The following GUCY2F variants were observed in gnomAD, a reference collection of about 807,000 sequenced individuals.
GUCY2F encodes the protein retinal guanylyl cyclase 2.
GUCY2F carries 61 observed loss-of-function variants against 73.1 expected under a neutral mutation model. The observed-to-expected ratio is 0.83, with a 90% CI of 0.68 to 1.03. The LOEUF (loss-of-function observed/expected upper bound fraction) is 1.03. GUCY2F is among the 50% of genes least tolerant of loss of function. The pLI, the probability that GUCY2F is intolerant of heterozygous loss-of-function variation, is 0.00. For missense variants in GUCY2F, 912 were observed against 854.3 expected (o/e 1.07, Z -0.84); for synonymous variants, 331 against 307.8 (o/e 1.08, Z -0.79).
intron 3 of GUCY2F, among the ~76,000 whole-genome samples, chrX:109,455,158 T>C (rs1212544790): frequency 1.8e-5 from 2 of 111,184 alleles, no homozygotes; most frequent in South Asian, 7.6e-4. Context: ...AGAGATGCTT[T>C]TAGTTTGATA....
At chrX:109,378,420 C>G (rs1421142941) in intron 17 of GUCY2F, among the ~76,000 whole-genome samples, 1 of 111,585 alleles carries the variant, frequency 9.0e-6, no homozygotes, top group African/African-American at 3.3e-5. Context: ...GATTAATGAG[C>G]TTCCTGATAA....
At chrX:109,417,858 A>T (rs1174550527) in intron 8 of GUCY2F, among the ~76,000 whole-genome samples, 3 of 111,903 alleles carry the variant, frequency 2.7e-5, no homozygotes, top group African/African-American at 9.7e-5. Context: ...TGGACAAAAT[A>T]GAAATCAAGA....
intron 8 of GUCY2F, among the ~76,000 whole-genome samples, chrX:109,421,718 A>G (rs922780532): frequency 9.0e-6 from 1 of 111,691 alleles, no homozygotes; most frequent in African/African-American, 3.2e-5. Context: ...ATACTTAAAA[A>G]TGGTTAAGAT....
Position 109,375,966 on chromosome X carries a change from T to G in GUCY2F, c.3260A>C (p.Gln1087Pro). The part of the protein sequence containing the change: ...DKDGQVGHGL[Q>P]PVEIAAFQRR... The stretch of plus-strand genomic sequence containing the variant: ...TTGGAAGGCTGCAATCTCCACTGGT[T>G]GCAGGCCATGGCCCACTTGCCTGCA... Residue 1087 changes from glutamine (Q) to proline (P), a missense_variant, in exon 19 of 20, where the codon CAA becomes CCA. Transcript: ENST00000218006. 8.3e-7 allele frequency: 1 copy of G among 1,209,037 alleles called. No homozygotes were observed.
chrX:109,415,087 T>C (rs1490292024), intron 8 of GUCY2F, among the ~76,000 whole-genome samples: 1 of 109,343 alleles, frequency 9.1e-6, no homozygotes, highest in Non-Finnish European at 1.9e-5. Flanking sequence ...GCTAGAAAAA[T>C]TGAAAAAATA....
At chrX:109,467,058 A>T (rs1049020719) in intron 2 of GUCY2F, among the ~76,000 whole-genome samples, 1 of 112,352 alleles carries the variant, frequency 8.9e-6, no homozygotes, top group African/African-American at 3.2e-5. Flanking sequence ...TGATGTTCAG[A>T]CCTTCCTTAG....
chrX:109,403,904 G>A (rs759317273), intron 10 of GUCY2F, among the ~76,000 whole-genome samples: 2 of 112,261 alleles, frequency 1.8e-5, no homozygotes, highest in Non-Finnish European at 3.8e-5. Context: ...ATCACTCCTC[G>A]CTTCTTCCTC....
At chrX:109,412,132 C>T (rs1419389426) in intron 8 of GUCY2F, among the ~76,000 whole-genome samples, 1 of 111,492 alleles carries the variant, frequency 9.0e-6, no homozygotes, top group African/African-American at 3.3e-5. Flanking sequence ...ATATGTATAT[C>T]TATATCTATC....
In GUCY2F at chrX:109,453,818, A is replaced by G. The variant is rs1302610490; in HGVS notation, c.1074T>C (p.Phe358=). ...LFGTIYNSIY[F]IAQAMNNAMK... Reference sequence around the variant, plus strand: ...TAGCATTATTCATGGCTTGTGCGATAAAGTAAATTGAATTGTAGATGGTTC... The same window carrying G: ...TAGCATTATTCATGGCTTGTGCGATGAAGTAAATTGAATTGTAGATGGTTC... Residue 358 remains phenylalanine (F), a synonymous_variant, in exon 4 of 20, where the codon TTT becomes TTC. Transcript: ENST00000218006. The G allele has an allele frequency of 1.7e-6, 2 of 1,194,552 alleles. No homozygotes were observed. The highest frequency in any genetic ancestry group is 3.5e-5 in the African/African-American group (2 of 56,770).
intron 8 of GUCY2F, among the ~76,000 whole-genome samples, chrX:109,426,474 C>T (rs193158791): frequency 0.019 from 2,173 of 111,993 alleles, 22 homozygotes; most frequent in Middle Eastern, 0.041. Context: ...CTGCAAGCTC[C>T]GCCTCCCGGG....
At chrX:109,419,388 C>T (rs1392356213) in intron 8 of GUCY2F, among the ~76,000 whole-genome samples, 2 of 110,401 alleles carry the variant, frequency 1.8e-5, no homozygotes, top group African/African-American at 6.5e-5. Flanking sequence ...TTAGGATGTG[C>T]TTAATATTTC....
intron 7 of GUCY2F, among the ~76,000 whole-genome samples, chrX:109,436,810 A>G (rs1358057385): frequency 1.8e-5 from 2 of 109,538 alleles, no homozygotes; most frequent in Non-Finnish European, 3.8e-5. Context: ...GGGGAGGGAT[A>G]GCATTAGGAG....
intron 14 of GUCY2F, among the ~76,000 whole-genome samples, chrX:109,389,495 A>G (rs1930511271): frequency 8.9e-6 from 1 of 112,142 alleles, no homozygotes; most frequent in Non-Finnish European, 1.9e-5. Context: ...CACAGAATAC[A>G]ACAGTTAAGA....
intron 5 of GUCY2F, among the ~76,000 whole-genome samples, chrX:109,449,120 G>T (rs1193062833): frequency 9.0e-6 from 1 of 111,356 alleles, no homozygotes; most frequent in East Asian, 2.8e-4. Flanking sequence ...CCCCATAATG[G>T]TTACTCTGTG....
intron 7 of GUCY2F, among the ~76,000 whole-genome samples, chrX:109,438,727 C>A (rs1460018427): frequency 8.9e-6 from 1 of 112,702 alleles, no homozygotes; most frequent in Non-Finnish European, 1.9e-5. Flanking sequence ...AGTATGACTG[C>A]AGCTCTCCCA....
At chrX:109,478,349 C>G (rs1932736685) in intron 1 of GUCY2F, among the ~76,000 whole-genome samples, 2 of 112,331 alleles carry the variant, frequency 1.8e-5, no homozygotes, top group South Asian at 7.5e-4. Flanking sequence ...AGCCACTCAT[C>G]TGGAGTAATA....
intron 3 of GUCY2F, among the ~76,000 whole-genome samples, chrX:109,460,491 A>T (rs1212295888): frequency 8.9e-6 from 1 of 111,931 alleles, no homozygotes; most frequent in East Asian, 2.8e-4. Flanking sequence ...GACTGAGGGA[A>T]AATGATTTCT....
chrX:109,452,981 T>G (rs940889589), intron 4 of GUCY2F, among the ~76,000 whole-genome samples: 1 of 110,887 alleles, frequency 9.0e-6, no homozygotes, highest in African/African-American at 3.3e-5. Flanking sequence ...TATTTGGGAG[T>G]GGAAGTGGAG....
At chrX:109,385,521 G>A (rs1160601379) in intron 15 of GUCY2F, among the ~76,000 whole-genome samples, 1 of 112,147 alleles carries the variant, frequency 8.9e-6, no homozygotes, top group Non-Finnish European at 1.9e-5. Flanking sequence ...CCACGTAACA[G>A]TTACACCTGA....
Sources: gnomAD v4.1 joint callset for allele counts (sites outside exome capture counted in the v4.1 genomes callset) on GRCh38, gnomAD v4.1.1 for gene constraint, MANE v1.5 for transcripts, NCBI Gene and HGNC (gene_info 2026-07-23, HGNC 2026-07-21) for gene names.